The following PTGES2 variants were observed in gnomAD, a reference collection of about 807,000 sequenced individuals.
PTGES2 encodes the protein GATE-binding factor 1.
A neutral mutation model predicts 44.5 loss-of-function variants in PTGES2; 35 were observed. The ratio of observed to expected loss-of-function variants is 0.79; its 90% CI spans 0.60 to 1.04. The LOEUF (loss-of-function observed/expected upper bound fraction) is 1.04, where lower values mean the gene tolerates loss of function less well. PTGES2 is among the 50% of genes least tolerant of loss of function. The pLI is 0.00. For missense variants in PTGES2, 517 were observed against 521.4 expected (o/e 0.99, Z 0.08); for synonymous variants, 221 against 227.5 (o/e 0.97, Z 0.26).
chr9:128,122,659 C>A lies in PTGES2; in HGVS notation c.888-180G>T, dbSNP rs888719697. The A allele has an allele frequency of 4.7e-6, 3 of 640,572 alleles. No individual in the cohort carries two copies. In the East Asian group the frequency reaches 8.2e-5, roughly 17 times the overall value. 39.7% of individuals were successfully genotyped at this position (640,572 alleles called of 1,614,324 possible). On this transcript the variant is annotated intron_variant, in intron 5 of 6. Transcript: ENST00000338961. The stretch of plus-strand genomic sequence containing the variant: ...CCAGACGGGGAGGCTGTGGTAAAGG[C>A]AAGAGACCAGGCCAGGGAGAAAGCC...
At chr9:128,125,137 C>T (rs1834568577) in intron 2 of PTGES2, 107 bp downstream of exon 2, 1 of 1,041,146 alleles carries the variant, frequency 9.6e-7, no homozygotes, top group Non-Finnish European at 1.4e-6. Context: ...CTTACAGGCA[C>T]AAGGATCACA....
Position 128,127,719 on chromosome 9 carries a change from T to G in PTGES2, c.-2A>C, listed in dbSNP as rs1437971736. On this transcript the variant is annotated 5_prime_UTR_variant, in exon 1 of 7. Coordinates refer to ENST00000338961, the MANE Select transcript of PTGES2 (RefSeq NM_025072.7). Reference sequence around the variant, plus strand: ...CACCACCCGCGCAGCCGGGTCCATGTTCGCTCCGCCGGCGCCGCGGGCGGG... The same window carrying G: ...CACCACCCGCGCAGCCGGGTCCATGGTCGCTCCGCCGGCGCCGCGGGCGGG... The G allele has an allele frequency of 7.9e-7, 1 of 1,260,626 alleles. No individual in the cohort carries two copies. 78.1% of individuals were successfully genotyped at this position (1,260,626 alleles called of 1,614,324 possible). A position where few individuals can be genotyped will look rare whatever the true frequency, so the allele number is the denominator to read the frequency against.
chr9:128,127,497 T>C lies in PTGES2; in HGVS notation c.221A>G (p.His74Arg). Residue 74 changes from histidine to arginine, a missense_variant, in exon 1 of 7, where the codon CAC becomes CGC. His to Arg is a conservative substitution (Grantham distance 29). Coordinates refer to ENST00000338961, the MANE Select transcript of PTGES2 (RefSeq NM_025072.7). ...LALGGALGLYHTARWHLRAQD... is the reference protein window; with the variant it reads ...LALGGALGLYRTARWHLRAQD... ...GGCGCGCAGGTGCCACCGCGCCGTG[T>C]GGTACAGCCCCAGGGCTCCCCCCAG... 2.1e-6 allele frequency: 3 copies of C among 1,396,012 alleles called. No homozygotes were observed. The highest frequency in any genetic ancestry group is 2.8e-6 in the Non-Finnish European group (3 of 1,071,284). 86.5% of individuals were successfully genotyped at this position (1,396,012 alleles called of 1,614,324 possible). A position where few individuals can be genotyped will look rare whatever the true frequency, so the allele number is the denominator to read the frequency against.
At chr9:128,127,210 A>AAAAC (rs139185762) in intron 1 of PTGES2, among the ~76,000 whole-genome samples, 8 of 151,056 alleles carry the variant, frequency 5.3e-5, no homozygotes, top group African/African-American at 1.5e-4. Context: ...AAAAAAAAAA[A>AAAAC]AAACCACGGT....
At position 128,123,535 on chromosome 9, in the gene PTGES2, C is replaced by A. The variant is rs1834503223; in HGVS notation, c.686+167G>T. 6.6e-6 allele frequency among the ~76,000 whole-genome samples: 1 copy of A among 152,120 alleles called. No individual in the cohort carries two copies. The highest frequency in any genetic ancestry group is 1.5e-5 in the Non-Finnish European group (1 of 68,002). Reference sequence around the variant, plus strand: ...GGCTGGGATTACAGGAGTGAGCCACCACGCCCGGCTGCAGGAAGGTCTCTA... The same window carrying A: ...GGCTGGGATTACAGGAGTGAGCCACAACGCCCGGCTGCAGGAAGGTCTCTA... On this transcript the variant is annotated intron_variant, in intron 4 of 6. Transcript: ENST00000338961. This position sits in a 1 kb window ranked among gnomAD's most constrained non-coding sequence, Gnocchi z 4.4.
At chr9:128,125,866 C>T (rs1263934098) in intron 1 of PTGES2, among the ~76,000 whole-genome samples, 6 of 152,338 alleles carry the variant, frequency 3.9e-5, no homozygotes, top group African/African-American at 7.2e-5. Context: ...TGGGCTACCA[C>T]CCAGGCTCAT....
upstream of PTGES2, chr9:128,127,802 C>A (rs1002528183): frequency 1.7e-6 from 2 of 1,191,030 alleles, no homozygotes; most frequent in Non-Finnish European, 2.1e-6. Context: ...GACTCTGGCG[C>A]CCCGCGGGTT....
chr9:128,123,098 C>G lies in PTGES2; in HGVS notation c.723G>C (p.Trp241Cys). The G allele has an allele frequency of 6.2e-7, 1 of 1,611,602 alleles. No homozygotes were observed. The highest frequency in any genetic ancestry group is 8.5e-7 in the Non-Finnish European group (1 of 1,180,002). The change falls in exon 5 of 7, where the codon TGG becomes TGC. Residue 241 changes from tryptophan (W) to cysteine (C), a missense_variant. By Grantham distance (215) the Trp-to-Cys change is radical (BLOSUM62 -2). Coordinates refer to ENST00000338961, the MANE Select transcript of PTGES2 (RefSeq NM_025072.7). The surrounding 1 kb of genome is among the most constrained non-coding windows in gnomAD (Gnocchi z 4.4). Reference protein sequence around the residue: ...EMKWRQWADDWLVHLISPNVY... With the variant: ...EMKWRQWADDCLVHLISPNVY... ...CATTGGGGGAGATCAGGTGCACCAGCCAGTCGTCCGCCCACTGCCGCCACT... is the reference window on the plus strand; with the variant it reads ...CATTGGGGGAGATCAGGTGCACCAGGCAGTCGTCCGCCCACTGCCGCCACT...
rs898492552 is a variant in PTGES2 at position 128,120,844 on chromosome 9, C to T, written c.*301G>A. On this transcript the variant is annotated 3_prime_UTR_variant, in exon 7 of 7. Transcript: ENST00000338961. ...ACCGTCCTGCTGTCCTGTCGAGGGC[C>T]CCCACCCACAGGATGTAGCCATGGG... 2.4e-5 allele frequency: 10 copies of T among 415,524 alleles called. No homozygotes were observed. Among genetic ancestry groups the T allele is most frequent in the African/African-American group, 1.5e-4 (7 of 48,226 alleles). The allele number at this position is 415,524 out of a possible 1,614,324, so 25.7% of individuals were successfully genotyped here.
Position 128,124,560 on chromosome 9 carries a change from A to G in PTGES2, c.478-10T>C, listed in dbSNP as rs747217761. ...AGTCATTTAGTTGTTGCTGGAAGAG[A>G]AAAGGGTGGTTTAATCAGAGGTTGC... On this transcript the variant is annotated splice_polypyrimidine_tract_variant and intron_variant, in intron 2 of 6. Transcript: ENST00000338961. 3.0e-5 allele frequency: 49 copies of G among 1,612,394 alleles called. No individual in the cohort carries two copies. Among genetic ancestry groups the G allele is most frequent in the Non-Finnish European group, 4.0e-5 (47 of 1,178,952 alleles).
At chr9:128,125,047 C>T (rs1300153809) in intron 2 of PTGES2, among the ~76,000 whole-genome samples, 197 bp downstream of exon 2, 1 of 152,204 alleles carries the variant, frequency 6.6e-6, no homozygotes, top group African/African-American at 2.4e-5. Flanking sequence ...TGAGACCCAG[C>T]AGGTGTTTGG....
intron 2 of PTGES2, chr9:128,124,940 C>G: frequency 6.4e-6 from 7 of 1,087,194 alleles, no homozygotes; most frequent in African/African-American, 1.6e-5. Context: ...AAGTGACTTG[C>G]CCCAAGTCAC....
In PTGES2 at chr9:128,120,838, G is replaced by A. The variant is rs542467758; in HGVS notation, c.*307C>T. Reference sequence around the variant, plus strand: ...AAACAAACCGTCCTGCTGTCCTGTCGAGGGCCCCCACCCACAGGATGTAGC... The same window carrying A: ...AAACAAACCGTCCTGCTGTCCTGTCAAGGGCCCCCACCCACAGGATGTAGC... On this transcript the variant is annotated 3_prime_UTR_variant, in exon 7 of 7. Coordinates refer to ENST00000338961, the MANE Select transcript of PTGES2 (RefSeq NM_025072.7). 7 of 389,766 alleles carry A rather than the reference G, an allele frequency of 1.8e-5. No homozygotes were observed. The highest frequency in any genetic ancestry group is 4.8e-5 in the Admixed American group (1 of 20,974). 24.1% of individuals were successfully genotyped at this position (389,766 alleles called of 1,614,324 possible). A position where few individuals can be genotyped will look rare whatever the true frequency, so the allele number is the denominator to read the frequency against.
chr9:128,121,569 C>G (rs1231833305), intron 6 of PTGES2, among the ~76,000 whole-genome samples: 1 of 152,142 alleles, frequency 6.6e-6, no homozygotes, highest in African/African-American at 2.4e-5. Flanking sequence ...AGAAGAGACC[C>G]CACCACCCAG....
At chr9:128,128,256 G>T, upstream of PTGES2, 2 of 454,692 alleles carry the variant, frequency 4.4e-6, no homozygotes, top group South Asian at 3.1e-5. Flanking sequence ...ACCCGAAGGG[G>T]CCTTGGAAAC....
chr9:128,126,486 AGAG>A (rs893569716), intron 1 of PTGES2, among the ~76,000 whole-genome samples: 1 of 152,158 alleles, frequency 6.6e-6, no homozygotes, highest in Non-Finnish European at 1.5e-5. Flanking sequence ...CAGTGGGGAG[AGAG>A]GATGATGAAC....
At chr9:128,127,997 C>T (rs1834708473), upstream of PTGES2, 2 of 434,964 alleles carry the variant, frequency 4.6e-6, no homozygotes, top group Non-Finnish European at 8.2e-6. Flanking sequence ...GGGGGGCGAA[C>T]GTCTCCTCGC....
chr9:128,128,179 G>T (rs796844576), upstream of PTGES2: 14 of 379,606 alleles, frequency 3.7e-5, no homozygotes, highest in Middle Eastern at 3.7e-4. Context: ...CAGGTGTTGC[G>T]GTTCTCTCTG....
In PTGES2 at chr9:128,127,379, C is replaced by T. The variant is rs992778405; in HGVS notation, c.279+60G>A. 4.6e-5 allele frequency: 60 copies of T among 1,301,194 alleles called. No homozygotes were observed. The Admixed American group carries it at 7.1e-4, about 15-fold the overall frequency. The allele number at this position is 1,301,194 out of a possible 1,614,324, so 80.6% of individuals were successfully genotyped here. On this transcript the variant is annotated intron_variant, in intron 1 of 6. Transcript: ENST00000338961. ...AGGCAACTCCTGACCCTGCGGGTTC[C>T]CAGGAGTCCCGAGTTCGGCGCTGAT... is the stretch of plus-strand genomic sequence containing the variant.
Sources: allele counts gnomAD v4.1 joint callset (sites outside exome capture counted in the v4.1 genomes callset), GRCh38; gene constraint gnomAD v4.1.1; non-coding constraint Gnocchi (gnomAD v3.1); transcripts MANE v1.5; gene names NCBI Gene and HGNC (gene_info 2026-07-23, HGNC 2026-07-21).